FIGN: variants seen among roughly 807,000 people sequenced by gnomAD.
FIGN encodes fidgetin, microtubule severing factor, also known as fidgetin.
Under a neutral mutation model 51.3 loss-of-function variants are expected in FIGN, and 11 were observed. That is an observed-to-expected ratio of 0.21 (90% CI 0.13 to 0.35). The LOEUF (loss-of-function observed/expected upper bound fraction) is 0.35. Among genes scored for constraint, FIGN ranks in the 10% least tolerant of loss-of-function variants. The pLI is 1.00. For synonymous variants in FIGN, 407 were observed against 363.2 expected (o/e 1.12, Z -1.37); for missense variants, 857 against 943.6 (o/e 0.91, Z 1.20).
At chr2:163,660,434 G>T (rs1185530845) in intron 2 of FIGN, among the ~76,000 whole-genome samples, 1 of 151,860 alleles carries the variant, frequency 6.6e-6, no homozygotes, top group Non-Finnish European at 1.5e-5. Flanking sequence ...AATCACTACA[G>T]CATAGAAATA....
At chr2:163,723,195 A>T (rs1343124808) in intron 2 of FIGN, among the ~76,000 whole-genome samples, 1 of 151,358 alleles carries the variant, frequency 6.6e-6, no homozygotes, top group African/African-American at 2.4e-5. Flanking sequence ...CGTCTCAAAA[A>T]TAATAATAAT....
chr2:163,672,530 A>C (rs1683894151), intron 2 of FIGN, among the ~76,000 whole-genome samples: 1 of 152,188 alleles, frequency 6.6e-6, no homozygotes, highest in South Asian at 2.1e-4. Flanking sequence ...TGCTCTGCAC[A>C]CAATAGGTGC....
intron 2 of FIGN, among the ~76,000 whole-genome samples, chr2:163,689,207 C>G (rs181941534): frequency 1.3e-4 from 19 of 150,956 alleles, no homozygotes; most frequent in Admixed American, 2.0e-4. Flanking sequence ...GAAACACACA[C>G]AGAGAGAGAG....
At chr2:163,612,523 C>T (rs927333667) in intron 2 of FIGN, 158 of 985,276 alleles carry the variant, frequency 1.6e-4, no homozygotes, top group Non-Finnish European at 1.8e-4. Context: ...TCGCACAAAG[C>T]CTACAACTCG....
chr2:163,653,543 A>G (rs927378270), intron 2 of FIGN, among the ~76,000 whole-genome samples: 18 of 152,068 alleles, frequency 1.2e-4, no homozygotes, highest in African/African-American at 3.6e-4. Flanking sequence ...AACATTATCA[A>G]TTTTCTCCAG....
chr2:163,651,188 G>A (rs1683468188), intron 2 of FIGN, among the ~76,000 whole-genome samples: 1 of 152,196 alleles, frequency 6.6e-6, no homozygotes, highest in Non-Finnish European at 1.5e-5. Flanking sequence ...GATAGGCCGG[G>A]TGCGGTGGCT....
rs1289524694 is a variant in FIGN, at chr2:163,660,858, CATAT to C, written c.26-49056_26-49053del. On this transcript the variant is annotated intron_variant, in intron 2 of 2. Transcript: ENST00000333129. ...ACATATATACATATATATATGTATACATATATATATATATATATATATTTTTTTT... is the reference window on the plus strand; with the variant it reads ...ACATATATACATATATATATGTATACATATATATATATATATATTTTTTTT... Among the ~76,000 whole-genome samples the C allele has an allele frequency of 8.5e-5, 2 of 23,418 alleles. 1 individual carries two copies. The highest frequency in any genetic ancestry group is 1.4e-4 in the Non-Finnish European group (2 of 14,046). The allele number at this position is 23,418 out of a possible 152,430, so 15.4% of individuals were successfully genotyped here.
At chr2:163,658,345 C>T (rs375064126) in intron 2 of FIGN, among the ~76,000 whole-genome samples, 6 of 140,194 alleles carry the variant, frequency 4.3e-5, no homozygotes, top group East Asian at 2.2e-4. Context: ...CAGTTATCAG[C>T]GAATCTTCTT....
intron 2 of FIGN, among the ~76,000 whole-genome samples, chr2:163,706,207 A>G (rs1684496937): frequency 6.6e-6 from 1 of 152,174 alleles, no homozygotes; most frequent in African/African-American, 2.4e-5. Context: ...GTAAATTTGA[A>G]CCACAAATCA....
At chr2:163,714,421 C>T (rs1443352830) in intron 2 of FIGN, among the ~76,000 whole-genome samples, 3 of 152,188 alleles carry the variant, frequency 2.0e-5, no homozygotes, top group Non-Finnish European at 4.4e-5. Context: ...AGTAAGTGTC[C>T]TGCGTCACCT....
At chr2:163,644,368 A>G (rs1369705502) in intron 2 of FIGN, among the ~76,000 whole-genome samples, 2 of 152,210 alleles carry the variant, frequency 1.3e-5, no homozygotes, top group African/African-American at 4.8e-5. Flanking sequence ...ATGCAAATCA[A>G]AACCACAATG....
At chr2:163,730,376 A>G (rs148631675) in intron 2 of FIGN, among the ~76,000 whole-genome samples, 139 of 152,352 alleles carry the variant, frequency 9.1e-4, no homozygotes, top group African/African-American at 3.0e-3. Context: ...GAAAAAAAGA[A>G]GAAAATGACA....
chr2:163,672,168 C>T (rs1405260749), intron 2 of FIGN, among the ~76,000 whole-genome samples: 1 of 151,808 alleles, frequency 6.6e-6, no homozygotes, highest in Non-Finnish European at 1.5e-5. Context: ...TCTCCTCTGT[C>T]CATTTTTTCC....
rs545672883 is a variant in FIGN, at chr2:163,699,313, A to C, written c.25+35590T>G. On this transcript the variant is annotated intron_variant, in intron 2 of 2. Coordinates refer to ENST00000333129, the MANE Select transcript of FIGN (RefSeq NM_018086.4). The stretch of plus-strand genomic sequence containing the variant: ...TTTTTTTAAAACCATGGTAGCTTTC[A>C]AAAAGCACAAAAAGCAAAACTGCCA... Among the ~76,000 whole-genome samples the C allele has an allele frequency of 2.6e-5, 4 of 152,308 alleles. No homozygotes were observed. In the East Asian group the frequency reaches 7.7e-4, roughly 29 times the overall value.
intron 2 of FIGN, among the ~76,000 whole-genome samples, chr2:163,717,239 G>C (rs1310934833): frequency 1.3e-5 from 2 of 152,170 alleles, no homozygotes; most frequent in Non-Finnish European, 2.9e-5. Context: ...TGTTGCTAAG[G>C]TTAACTACGG....
In FIGN at chr2:163,660,834, CAT is replaced by C. The variant is rs10646457; in HGVS notation, c.26-49030_26-49029del. On this transcript the variant is annotated intron_variant, in intron 2 of 2. Transcript: ENST00000333129. ...ATATACATATACATATATATGTATA[CAT>C]ATATACATATATATATGTATACATA... Among the ~76,000 whole-genome samples the C allele has an allele frequency of 1.1e-3, 10 of 9,138 alleles. 1 individual carries two copies. Among genetic ancestry groups the C allele is most frequent in the Non-Finnish European group, 1.5e-3 (6 of 4,036 alleles). The allele number at this position is 9,138 out of a possible 152,430, so 6.0% of individuals were successfully genotyped here.
chr2:163,724,675 A>G (rs1157287741), intron 2 of FIGN, among the ~76,000 whole-genome samples: 3 of 152,122 alleles, frequency 2.0e-5, no homozygotes, highest in Non-Finnish European at 2.9e-5. Flanking sequence ...ATTAGTTTCC[A>G]AAAGAAGCCT....
chr2:163,613,471 G>C (rs1001962526), intron 2 of FIGN, among the ~76,000 whole-genome samples: 1 of 151,990 alleles, frequency 6.6e-6, no homozygotes, highest in Non-Finnish European at 1.5e-5. Flanking sequence ...GCCTGACTCT[G>C]GCTTCTGACA....
At chr2:163,624,303 T>C (rs1318146343) in intron 2 of FIGN, among the ~76,000 whole-genome samples, 1 of 151,944 alleles carries the variant, frequency 6.6e-6, no homozygotes, top group Non-Finnish European at 1.5e-5. Flanking sequence ...AGAAGATCCA[T>C]GGATAAAACA....
Sources: gnomAD v4.1 joint callset for allele counts (sites outside exome capture counted in the v4.1 genomes callset) on GRCh38, gnomAD v4.1.1 for gene constraint, MANE v1.5 for transcripts, NCBI Gene and HGNC (gene_info 2026-07-23, HGNC 2026-07-21) for gene names.